Variants in PARP8 observed in about 807,000 individuals in gnomAD.
PARP8 encodes the protein poly(ADP-ribose) polymerase family member 8, also known as protein mono-ADP-ribosyltransferase PARP8.
In PARP8, 51 loss-of-function variants were observed where a neutral mutation model predicts 124.1. The observed-to-expected ratio is 0.41, with a 90% CI of 0.33 to 0.52. PARP8 has a LOEUF of 0.52. Among genes scored for constraint, PARP8 ranks in the 20% least tolerant of loss-of-function variants. The pLI, the probability that PARP8 is intolerant of heterozygous loss-of-function variation, is 0.21. For synonymous variants in PARP8, 391 were observed against 361.5 expected (o/e 1.08, Z -0.93); for missense variants, 860 against 1,018.9 (o/e 0.84, Z 2.12).
At chr5:50,740,357 A>T (rs907653642) in intron 2 of PARP8, among the ~76,000 whole-genome samples, 6 of 152,298 alleles carry the variant, frequency 3.9e-5, no homozygotes, top group African/African-American at 1.4e-4. Flanking sequence ...GGAGGAGGGG[A>T]GAGAGAATTC....
chr5:50,788,590 G>A lies in PARP8; in HGVS notation c.737+1G>A. The A allele has an allele frequency of 6.2e-7, 1 of 1,610,826 alleles. No individual in the cohort carries two copies. Among genetic ancestry groups the A allele is most frequent in the Non-Finnish European group, 8.5e-7 (1 of 1,177,788 alleles). ...TTGGATTGGGACATCAGCTGAAAAA[G>A]TAAGTTTGCTAAAGTGCAAAAAATA... is the stretch of plus-strand genomic sequence containing the variant. On this transcript the variant is annotated splice_donor_variant, in intron 10 of 25. Transcript: ENST00000281631. LOFTEE classifies it high-confidence loss of function.
chr5:50,770,135 G>C (rs535157688), intron 7 of PARP8, among the ~76,000 whole-genome samples: 1 of 152,024 alleles, frequency 6.6e-6, no homozygotes, highest in African/African-American at 2.4e-5. Context: ...CTTCACTAAT[G>C]GGTAATTTTT....
chr5:50,683,268 T>G (rs185976104), intron 2 of PARP8, among the ~76,000 whole-genome samples: 4 of 152,346 alleles, frequency 2.6e-5, no homozygotes, highest in African/African-American at 9.6e-5. Context: ...CAGAGTAATG[T>G]AAATACATTT....
intron 9 of PARP8, among the ~76,000 whole-genome samples, chr5:50,785,278 G>A (rs924539818): frequency 3.9e-5 from 6 of 152,016 alleles, no homozygotes; most frequent in African/African-American, 1.4e-4. Context: ...TTAAGTTTTG[G>A]TCTTTGTATT....
At position 50,775,756 on chromosome 5, in the gene PARP8, A is replaced by G. The variant is rs186021431; in HGVS notation, c.519-2313A>G. 2.6e-5 allele frequency among the ~76,000 whole-genome samples: 4 copies of G among 152,222 alleles called. No individual in the cohort carries two copies. The East Asian group carries it at 7.7e-4, about 29-fold the overall frequency. ...ATGTGTGTTGATTTTGTATCCTGCAATTTTACTAAATTTGTTTATTAGTTT... is the reference window on the plus strand; with the variant it reads ...ATGTGTGTTGATTTTGTATCCTGCAGTTTTACTAAATTTGTTTATTAGTTT... On this transcript the variant is annotated intron_variant, in intron 7 of 25. Transcript: ENST00000281631.
chr5:50,795,056 C>T lies in PARP8; in HGVS notation c.1067C>T (p.Ala356Val). 2 of 1,614,180 alleles carry T rather than the reference C, an allele frequency of 1.2e-6. No individual in the cohort carries two copies. The highest frequency in any genetic ancestry group is 1.7e-6 in the Non-Finnish European group (2 of 1,180,028). The change falls in exon 12 of 26, where the codon GCA becomes GTA. Residue 356 changes from alanine to valine, a missense_variant. By Grantham distance (64) the Ala-to-Val change is moderately conservative. Transcript: ENST00000281631. ...CCCAGGGCGGAGCAGGCTATGACAG[C>T]AATTAAATCGCACAAACTTTTGAAC... ...SDPRAEQAMT[A>V]IKSHKLLNRP...
intron 2 of PARP8, among the ~76,000 whole-genome samples, chr5:50,712,375 G>A (rs1754851555): frequency 6.6e-6 from 1 of 152,092 alleles, no homozygotes; most frequent in Non-Finnish European, 1.5e-5. Context: ...AATTGGTCAT[G>A]TTTTTCATGC....
intron 11 of PARP8, 107 bp from the exon 12 acceptor site, chr5:50,794,746 G>A: frequency 1.0e-6 from 1 of 979,204 alleles, no homozygotes; most frequent in Non-Finnish European, 1.5e-6. Context: ...ATTAAAATGA[G>A]GTGGTAGAAT....
chr5:50,751,218 G>A (rs954731969), intron 3 of PARP8, among the ~76,000 whole-genome samples: 1 of 152,082 alleles, frequency 6.6e-6, no homozygotes, highest in African/African-American at 2.4e-5. Flanking sequence ...AACCAAGTGG[G>A]CCAAGTGTTT....
At chr5:50,714,509 A>G (rs774729249) in intron 2 of PARP8, among the ~76,000 whole-genome samples, 10 of 152,092 alleles carry the variant, frequency 6.6e-5, no homozygotes, top group Non-Finnish European at 1.0e-4. Flanking sequence ...GCGCCTATCA[A>G]CCCGTCATCT....
chr5:50,717,371 GAAT>G (rs1755425559), intron 2 of PARP8, among the ~76,000 whole-genome samples: 1 of 151,948 alleles, frequency 6.6e-6, no homozygotes, highest in African/African-American at 2.4e-5. Context: ...TCAATCATGA[GAAT>G]AATGTTTTTG....
intron 19 of PARP8, among the ~76,000 whole-genome samples, 169 bp from the exon 20 acceptor site, chr5:50,827,775 G>A (rs967385166): frequency 1.3e-5 from 2 of 152,140 alleles, no homozygotes; most frequent in African/African-American, 4.8e-5. Flanking sequence ...CTTATCACTT[G>A]CGTAGAGTTT....
intron 2 of PARP8, among the ~76,000 whole-genome samples, chr5:50,725,059 T>A (rs1756280305): frequency 7.8e-6 from 1 of 127,978 alleles, no homozygotes; most frequent in South Asian, 2.6e-4. Flanking sequence ...TGAGTAGTAT[T>A]CCATTGTGTG....
intron 2 of PARP8, among the ~76,000 whole-genome samples, chr5:50,728,625 C>A (rs1175284540): frequency 1.3e-5 from 2 of 151,806 alleles, no homozygotes; most frequent in East Asian, 1.9e-4. Context: ...TACTGCTCTC[C>A]CAGAATTCGT....
intron 9 of PARP8, among the ~76,000 whole-genome samples, chr5:50,780,413 C>T (rs963287451): frequency 2.0e-5 from 3 of 152,152 alleles, no homozygotes; most frequent in Non-Finnish European, 1.5e-5. Context: ...TTAATCTCTA[C>T]TCACCCAAAC....
intron 14 of PARP8, among the ~76,000 whole-genome samples, chr5:50,814,799 A>G (rs1245221619): frequency 6.6e-6 from 1 of 152,136 alleles, no homozygotes; most frequent in Non-Finnish European, 1.5e-5. Context: ...GAGATAAGAT[A>G]AATCAGAGGA....
At chr5:50,761,643 A>G (rs1051568948) in intron 5 of PARP8, among the ~76,000 whole-genome samples, 178 bp from the exon 6 acceptor site, 2 of 152,112 alleles carry the variant, frequency 1.3e-5, no homozygotes, top group Admixed American at 6.5e-5. Flanking sequence ...GCTGCTGAAT[A>G]CACTCACAAA....
chr5:50,704,666 G>A (rs1317370222), intron 2 of PARP8, among the ~76,000 whole-genome samples: 1 of 152,138 alleles, frequency 6.6e-6, no homozygotes, highest in Non-Finnish European at 1.5e-5. Context: ...CATATCTCAT[G>A]AACATTGTCA....
At chr5:50,709,175 T>G (rs1212885450) in intron 2 of PARP8, among the ~76,000 whole-genome samples, 2 of 152,092 alleles carry the variant, frequency 1.3e-5, no homozygotes, top group African/African-American at 4.8e-5. Context: ...ATTCCTGTAG[T>G]GATACTCAGT....
Sources: gnomAD v4.1 joint callset for allele counts (sites outside exome capture counted in the v4.1 genomes callset) on GRCh38, gnomAD v4.1.1 for gene constraint, MANE v1.5 for transcripts, NCBI Gene and HGNC (gene_info 2026-07-23, HGNC 2026-07-21) for gene names.